The following ARFGEF2 variants were observed in gnomAD, a reference collection of about 807,000 sequenced individuals.
ARFGEF2 encodes ARF guanine nucleotide exchange factor 2.
In ARFGEF2, 74 loss-of-function variants were observed where a neutral mutation model predicts 219.9. That is an observed-to-expected ratio of 0.34 (90% confidence interval 0.28 to 0.41). ARFGEF2 has a LOEUF of 0.41. ARFGEF2 is among the 10% of genes least tolerant of loss of function. The pLI, the probability that ARFGEF2 is intolerant of heterozygous loss-of-function variation, is 1.00. For missense variants in ARFGEF2, 1,743 were observed against 2,218.3 expected (o/e 0.79, Z 4.30); for synonymous variants, 733 against 799.2 (o/e 0.92, Z 1.40).
intron 36 of ARFGEF2, among the ~76,000 whole-genome samples, chr20:49,025,779 C>T (rs1474523773): frequency 1.3e-5 from 2 of 151,876 alleles, no homozygotes; most frequent in East Asian, 1.9e-4. Flanking sequence ...GCCAGGAGTT[C>T]GAGACCAGCC....
Position 48,973,125 on chromosome 20 carries a change from C to G in ARFGEF2, c.1526-20C>G. On this transcript the variant is annotated intron_variant, in intron 11 of 38. Coordinates refer to ENST00000371917, the MANE Select transcript of ARFGEF2 (RefSeq NM_006420.3). The stretch of plus-strand genomic sequence containing the variant: ...TGCTATTTGATCAGAATTTCTGATA[C>G]TTGTATGTTATTTTCCAAGATGCCC... The G allele has an allele frequency of 1.2e-6, 2 of 1,613,852 alleles. No individual in the cohort carries two copies. The highest frequency in any genetic ancestry group is 8.5e-7 in the Non-Finnish European group (1 of 1,179,816).
chr20:48,932,104 A>G (rs1045107350), intron 1 of ARFGEF2, among the ~76,000 whole-genome samples: 6 of 152,120 alleles, frequency 3.9e-5, no homozygotes, highest in Non-Finnish European at 8.8e-5. Flanking sequence ...TATTATGGAT[A>G]GTGTGAAGTT....
chr20:49,023,537 G>T (rs201972527), intron 35 of ARFGEF2, among the ~76,000 whole-genome samples: 2,034 of 48,376 alleles, frequency 0.042, 13 homozygotes, highest in Non-Finnish European at 0.052. Flanking sequence ...TTTTTTTTTT[G>T]TTTTTTTTTT....
At chr20:48,951,935 A>G (rs2091073428) in intron 4 of ARFGEF2, among the ~76,000 whole-genome samples, 2 of 152,186 alleles carry the variant, frequency 1.3e-5, no homozygotes, top group African/African-American at 4.8e-5. Flanking sequence ...TCCTGAAAGT[A>G]TTAACATTAT....
intron 34 of ARFGEF2, among the ~76,000 whole-genome samples, chr20:49,021,865 T>C (rs2091566896): frequency 8.0e-6 from 1 of 125,622 alleles, no homozygotes; most frequent in Admixed American, 8.0e-5. Context: ...AAAAAAGAAT[T>C]GTTGGCGAGG....
At chr20:48,924,229 G>T (rs2090861795) in intron 1 of ARFGEF2, among the ~76,000 whole-genome samples, 1 of 152,160 alleles carries the variant, frequency 6.6e-6, no homozygotes, top group Non-Finnish European at 1.5e-5. Context: ...GAAATTTGGG[G>T]CCAGGTGCGG....
intron 1 of ARFGEF2, among the ~76,000 whole-genome samples, chr20:48,928,449 CG>C (rs1431911014): frequency 1.4e-5 from 2 of 145,616 alleles, no homozygotes; most frequent in Non-Finnish European, 3.0e-5. Flanking sequence ...CCGCCCGCCT[CG>C]GCCTCCCAAA....
At chr20:48,972,214 C>G (rs2123418362) in intron 10 of ARFGEF2, 112 bp from the exon 11 acceptor site, 2 of 757,102 alleles carry the variant, frequency 2.6e-6, no homozygotes, top group South Asian at 2.9e-5. Flanking sequence ...TCTTCTTCTG[C>G]CCAGGGTGCT....
At position 49,035,757 on chromosome 20, in the gene ARFGEF2, C is replaced by A; in HGVS notation, c.*2558C>A. The A allele has an allele frequency of 2.0e-5, 3 of 153,098 alleles. No individual in the cohort carries two copies. Among genetic ancestry groups the A allele is most frequent in the Non-Finnish European group, 4.3e-5 (3 of 69,172 alleles). 9.5% of individuals were successfully genotyped at this position (153,098 alleles called of 1,614,324 possible). Reference sequence around the variant, plus strand: ...AGAGAAGTTTTTATTTGTTACAATACTGCTGCTTTGAGCAATTTTGTTTCT... The same window carrying A: ...AGAGAAGTTTTTATTTGTTACAATAATGCTGCTTTGAGCAATTTTGTTTCT... On this transcript the variant is annotated 3_prime_UTR_variant, in exon 39 of 39. Transcript: ENST00000371917.
intron 3 of ARFGEF2, among the ~76,000 whole-genome samples, chr20:48,944,749 A>G (rs73113979): frequency 0.018 from 2,752 of 152,210 alleles, 43 homozygotes; most frequent in South Asian, 0.024. Flanking sequence ...TACAAACATG[A>G]GCCACTGCAC....
chr20:48,949,170 G>T (rs1239992240), intron 3 of ARFGEF2, among the ~76,000 whole-genome samples: 1 of 152,146 alleles, frequency 6.6e-6, no homozygotes, highest in Admixed American at 6.5e-5. Flanking sequence ...GAAGAGTAAT[G>T]TGCCCCTTAA....
intron 34 of ARFGEF2, among the ~76,000 whole-genome samples, chr20:49,021,248 A>C (rs550657577): frequency 6.6e-6 from 1 of 152,164 alleles, no homozygotes; most frequent in South Asian, 2.1e-4. Flanking sequence ...AGAAGAAAAA[A>C]AAAATTTTTT....
At chr20:49,017,419 T>C in intron 32 of ARFGEF2, 32 bp downstream of exon 32, 3 of 1,613,996 alleles carry the variant, frequency 1.9e-6, no homozygotes, top group Non-Finnish European at 2.5e-6. Flanking sequence ...CCCGTTTATC[T>C]CTGTGTTCAG....
chr20:48,970,651 T>C (rs1460682084), intron 9 of ARFGEF2, among the ~76,000 whole-genome samples: 1 of 152,078 alleles, frequency 6.6e-6, no homozygotes, highest in Admixed American at 6.6e-5. Context: ...TAAAAATAAG[T>C]GTTAAGAAAA....
In ARFGEF2 at chr20:48,971,292, T is replaced by C; in HGVS notation, c.1363T>C (p.Ser455Pro). 6.2e-7 allele frequency: 1 copy of C among 1,614,212 alleles called. No individual in the cohort carries two copies. Among genetic ancestry groups the C allele is most frequent in the Non-Finnish European group, 8.5e-7 (1 of 1,180,038 alleles). Residue 455 changes from serine (S) to proline (P), a missense_variant, in exon 10 of 39, where the codon TCT (serine) becomes CCT (proline). Around this residue, in one of 5 missense-constraint regions of ARFGEF2, gnomAD observed 666 missense variants for 955.4 expected, o/e 0.70. Transcript: ENST00000371917. ...TTCAGTGCCTGATGTCTTTGAGCTC[T>C]CTCTTGCCATTTTTCTTACTCTTCT... ...VSSVPDVFEL[S>P]LAIFLTLLSN...
In ARFGEF2 at chr20:48,953,591, G is replaced by A. The variant is rs1485491323; in HGVS notation, c.639G>A (p.Gln213=). Residue 213 remains glutamine (Q), a synonymous_variant, in exon 6 of 39, where the codon CAG becomes CAA. Transcript: ENST00000371917. ...QEARELEKPI[Q]SKPQSPVIQA... ...CCAGAGAACTGGAAAAACCAATCCA[G>A]TCAAAACCCCAGTCCCCTGTGATCC... The A allele has an allele frequency of 5.6e-6, 9 of 1,614,004 alleles. No homozygotes were observed. The highest frequency in any genetic ancestry group is 7.6e-6 in the Non-Finnish European group (9 of 1,180,028).
At chr20:49,010,612 C>G (rs768037160) in intron 27 of ARFGEF2, among the ~76,000 whole-genome samples, 1 of 152,178 alleles carries the variant, frequency 6.6e-6, no homozygotes, top group Non-Finnish European at 1.5e-5. Context: ...TCTAAATGGC[C>G]TTTCCTGTTA....
At chr20:49,016,190 T>A in intron 30 of ARFGEF2, 90 bp from the exon 31 acceptor site, 1 of 1,442,556 alleles carries the variant, frequency 6.9e-7, no homozygotes, top group South Asian at 1.2e-5. Flanking sequence ...ACCAAATTGC[T>A]TTCTACAACA....
At chr20:48,957,243 C>T (rs2041851366) in intron 6 of ARFGEF2, among the ~76,000 whole-genome samples, 1 of 152,174 alleles carries the variant, frequency 6.6e-6, no homozygotes, top group Admixed American at 6.5e-5. Flanking sequence ...TATGCTTACC[C>T]CTCATTGGCT....
Sources: allele counts gnomAD v4.1 joint callset (sites outside exome capture counted in the v4.1 genomes callset), GRCh38; gene constraint gnomAD v4.1.1; regional missense constraint gnomAD v4.1.1; transcripts MANE v1.5; gene names NCBI Gene and HGNC (gene_info 2026-07-23, HGNC 2026-07-21).